Variants in MRTO4 observed in about 807,000 individuals in gnomAD.
The protein encoded by MRTO4 is mRNA turnover protein 4 homolog.
Under a neutral mutation model 28.6 loss-of-function variants are expected in MRTO4, and 7 were observed. The ratio of observed to expected loss-of-function variants is 0.24; its 90% CI spans 0.14 to 0.46. The LOEUF (loss-of-function observed/expected upper bound fraction) is 0.46. Ranked by LOEUF, MRTO4 falls within the 20% of genes least tolerant of loss-of-function variation. MRTO4 has a pLI of 0.99. For missense variants in MRTO4, 302 were observed against 298.3 expected (o/e 1.01, Z -0.09); for synonymous variants, 113 against 108.2 (o/e 1.04, Z -0.27).
At chr1:19,256,106 C>T (rs1215653291) in intron 3 of MRTO4, 55 bp downstream of exon 3, 2 of 1,518,658 alleles carry the variant, frequency 1.3e-6, no homozygotes, top group African/African-American at 2.7e-5. Context: ...CCAGGCTGCT[C>T]TCAGTCAAAG....
chr1:19,252,925 C>T (rs1017519919), intron 1 of MRTO4, among the ~76,000 whole-genome samples: 4 of 152,168 alleles, frequency 2.6e-5, no homozygotes, highest in African/African-American at 9.7e-5. Flanking sequence ...CAGGCGTGAG[C>T]CACTACACCC....
chr1:19,259,339 C>G lies in MRTO4; in HGVS notation c.*509C>G, dbSNP rs1331409050. The G allele has an allele frequency of 6.6e-6, 1 of 152,240 alleles. No individual in the cohort carries two copies. The highest frequency in any genetic ancestry group is 2.1e-4 in the South Asian group (1 of 4,812). 9.4% of individuals were successfully genotyped at this position (152,240 alleles called of 1,614,324 possible). A position where few individuals can be genotyped will look rare whatever the true frequency, so the allele number is the denominator to read the frequency against. On this transcript the variant is annotated 3_prime_UTR_variant, in exon 8 of 8. Coordinates refer to ENST00000330263, the MANE Select transcript of MRTO4 (RefSeq NM_016183.4). ...CAAGAGGGAGAGGAGGGAGAGGGCTCTTTCTTAGAAAAGAGGCCTTTGGTG... is the reference window on the plus strand; with the variant it reads ...CAAGAGGGAGAGGAGGGAGAGGGCTGTTTCTTAGAAAAGAGGCCTTTGGTG...
chr1:19,254,154 C>T (rs1001596244), intron 1 of MRTO4, among the ~76,000 whole-genome samples: 1 of 152,182 alleles, frequency 6.6e-6, no homozygotes, highest in Non-Finnish European at 1.5e-5. Context: ...AGGCAGATCT[C>T]TTGAGCCCAG....
At chr1:19,252,180 C>G (rs1414149652) in intron 1 of MRTO4, 1 of 427,288 alleles carries the variant, frequency 2.3e-6, no homozygotes, top group African/African-American at 2.1e-5. Flanking sequence ...CCACTTTTCC[C>G]AACTTCGGCC....
In MRTO4 at chr1:19,252,258, C is replaced by T. The variant is rs2093662721; in HGVS notation, c.28+395C>T. The T allele has an allele frequency of 1.2e-5, 3 of 258,826 alleles. No homozygotes were observed. The East Asian group carries it at 2.8e-4, about 24-fold the overall frequency. The allele number at this position is 258,826 out of a possible 1,614,324, so 16.0% of individuals were successfully genotyped here. A position where few individuals can be genotyped will look rare whatever the true frequency, so the allele number is the denominator to read the frequency against. On this transcript the variant is annotated intron_variant, in intron 1 of 7. Coordinates refer to ENST00000330263, the MANE Select transcript of MRTO4 (RefSeq NM_016183.4). ...CCTTCTTTCAGCACAGGTTTGTTCCCGTGTCTGGCGTTGTGTGTCTGCGGT... is the reference window on the plus strand; with the variant it reads ...CCTTCTTTCAGCACAGGTTTGTTCCTGTGTCTGGCGTTGTGTGTCTGCGGT...
chr1:19,252,351 C>T lies in MRTO4; in HGVS notation c.28+488C>T, dbSNP rs185957713. On this transcript the variant is annotated intron_variant, in intron 1 of 7. Transcript: ENST00000330263. ...TTCTTAGTTGTCAGTTAATAGGATC[C>T]CTCTGAGACAGGGTCTCGCTCTGTT... 9.9e-5 allele frequency: 17 copies of T among 171,496 alleles called. No homozygotes were observed. In the East Asian group the frequency reaches 2.8e-3, roughly 29 times the overall value. 10.6% of individuals were successfully genotyped at this position (171,496 alleles called of 1,614,324 possible).
chr1:19,258,363 T>G, intron 6 of MRTO4, 114 bp from the exon 7 acceptor site: 1 of 1,268,088 alleles, frequency 7.9e-7, no homozygotes. Flanking sequence ...CCAGTGTGTG[T>G]TGGAGCCGTG....
chr1:19,258,873 C>T lies in MRTO4; in HGVS notation c.*43C>T, dbSNP rs1319616172. 2 of 1,598,526 alleles carry T rather than the reference C, an allele frequency of 1.3e-6. No individual in the cohort carries two copies. The highest frequency in any genetic ancestry group is 1.8e-5 in the Admixed American group (1 of 57,076). The stretch of plus-strand genomic sequence containing the variant: ...AGGTCTCCTGGAAGCTTCTGGGTCT[C>T]ACTGGACCATCAGGACTGCTGCCGC... On this transcript the variant is annotated 3_prime_UTR_variant, in exon 8 of 8. Transcript: ENST00000330263.
chr1:19,255,340 A>AG (rs1558121722), intron 2 of MRTO4, among the ~76,000 whole-genome samples: 1 of 152,008 alleles, frequency 6.6e-6, no homozygotes, highest in African/African-American at 2.4e-5. Context: ...CAAAAAGAAA[A>AG]GAAAAAAAAA....
At chr1:19,253,826 G>C (rs1338896294) in intron 1 of MRTO4, among the ~76,000 whole-genome samples, 2 of 152,202 alleles carry the variant, frequency 1.3e-5, no homozygotes, top group Admixed American at 1.3e-4. Context: ...GTTCTGTTAA[G>C]TGTTTCTGGA....
chr1:19,252,186 C>T (rs1226068572), intron 1 of MRTO4: 6 of 414,374 alleles, frequency 1.4e-5, no homozygotes, highest in Non-Finnish European at 2.6e-5. Context: ...TTCCCAACTT[C>T]GGCCCTTTCT....
chr1:19,252,404 C>G (rs936546023), intron 1 of MRTO4, among the ~76,000 whole-genome samples: 5 of 152,154 alleles, frequency 3.3e-5, no homozygotes, highest in African/African-American at 1.2e-4. Context: ...GTGGCGCGAT[C>G]GTAACACTGC....
intron 5 of MRTO4, 33 bp downstream of exon 5, chr1:19,257,554 C>T (rs201484934): frequency 2.7e-5 from 43 of 1,610,312 alleles, no homozygotes; most frequent in South Asian, 1.6e-4. Context: ...GGGAAAGAGG[C>T]GGGTGAGAGG....
At chr1:19,253,795 G>A (rs2093667409) in intron 1 of MRTO4, among the ~76,000 whole-genome samples, 1 of 152,158 alleles carries the variant, frequency 6.6e-6, no homozygotes, top group African/African-American at 2.4e-5. Context: ...TTGTGAAGGC[G>A]CCCGGGGCTT....
intron 5 of MRTO4, 146 bp from the exon 6 acceptor site, chr1:19,257,687 C>A: frequency 1.5e-6 from 2 of 1,360,592 alleles, no homozygotes; most frequent in Non-Finnish European, 2.1e-6. Context: ...TCCTCTCCAG[C>A]ATGGTGCTCT....
intron 6 of MRTO4, among the ~76,000 whole-genome samples, 198 bp from the exon 7 acceptor site, chr1:19,258,279 G>A (rs1340477609): frequency 3.9e-5 from 6 of 152,156 alleles, no homozygotes; most frequent in African/African-American, 1.2e-4. Context: ...GGGAGGCTGA[G>A]GCAAGAGGAT....
Position 19,258,749 on chromosome 1 carries a change from A to T in MRTO4, c.639A>T (p.Gly213=). The change falls in exon 8 of 8, where the codon GGA becomes GGT. Residue 213 remains glycine, a synonymous_variant. Coordinates refer to ENST00000330263, the MANE Select transcript of MRTO4 (RefSeq NM_016183.4). The part of the protein sequence containing the change: ...TIKYMWDSQS[G]RFQQMGDDLP... The stretch of plus-strand genomic sequence containing the variant: ...AATACATGTGGGATTCACAGTCGGG[A>T]AGGTTCCAGCAGATGGGAGACGACT... 1 of 1,614,142 alleles carries T rather than the reference A, an allele frequency of 6.2e-7. No homozygotes were observed. Among genetic ancestry groups the T allele is most frequent in the South Asian group, 1.1e-5 (1 of 91,082 alleles).
At chr1:19,252,178 C>G (rs903556774) in intron 1 of MRTO4, 1 of 432,650 alleles carries the variant, frequency 2.3e-6, no homozygotes, top group African/African-American at 2.1e-5. Flanking sequence ...GCCCACTTTT[C>G]CCAACTTCGG....
intron 1 of MRTO4, among the ~76,000 whole-genome samples, chr1:19,252,660 C>G (rs1208277128): frequency 1.3e-5 from 2 of 152,144 alleles, no homozygotes; most frequent in Admixed American, 1.3e-4. Context: ...GATCGCTCCA[C>G]TGTACTGCAG....
Sources: gnomAD v4.1 joint callset for allele counts (sites outside exome capture counted in the v4.1 genomes callset) on GRCh38, gnomAD v4.1.1 for gene constraint, MANE v1.5 for transcripts, NCBI Gene and HGNC (gene_info 2026-07-23, HGNC 2026-07-21) for gene names.